MAPK8IP3: variants seen among roughly 807,000 people sequenced by gnomAD.
MAPK8IP3 encodes the protein mitogen-activated protein kinase 8 interacting protein 3.
A neutral mutation model predicts 157.8 loss-of-function variants in MAPK8IP3; 49 were observed. The observed-to-expected ratio is 0.31, with a 90% confidence interval of 0.25 to 0.39. MAPK8IP3 has a LOEUF of 0.39. Among genes scored for constraint, MAPK8IP3 ranks in the 10% least tolerant of loss-of-function variants. The pLI is 1.00. For missense variants in MAPK8IP3, 1,478 were observed against 1,889.4 expected, an observed-to-expected ratio of 0.78 and a Z score of 4.04; for synonymous variants, 897 against 777.7, an observed-to-expected ratio of 1.15 and a Z score of -2.55.
At chr16:1,729,613 G>A (rs574939060) in intron 4 of MAPK8IP3, 35 bp downstream of exon 4, 1 of 1,542,254 alleles carries the variant, frequency 6.5e-7, no homozygotes, top group East Asian at 2.3e-5. Context: ...GGTACGCGGG[G>A]CGCGGCGGGG....
At position 1,742,019 on chromosome 16, in the gene MAPK8IP3, C is replaced by A. The variant is rs990850429; in HGVS notation, c.603-1313C>A. Reference sequence around the variant, plus strand: ...CTCCAGGCATGGCCAGAGCAGGTTCCTTGAACCCCTGAGGAAGCTCCCTTC... The same window carrying A: ...CTCCAGGCATGGCCAGAGCAGGTTCATTGAACCCCTGAGGAAGCTCCCTTC... On this transcript the variant is annotated intron_variant, in intron 4 of 31. Coordinates refer to ENST00000610761, the MANE Select transcript of MAPK8IP3 (RefSeq NM_001318852.2). This position sits in a 1 kb window ranked among gnomAD's most constrained non-coding sequence, Gnocchi z 5.0. 2.0e-5 allele frequency among the ~76,000 whole-genome samples: 3 copies of A among 152,150 alleles called. No individual in the cohort carries two copies. Among genetic ancestry groups the A allele is most frequent in the African/African-American group, 7.2e-5 (3 of 41,440 alleles).
chr16:1,752,268 C>T (rs945883848), intron 8 of MAPK8IP3: 1 of 173,258 alleles, frequency 5.8e-6, no homozygotes, highest in South Asian at 8.7e-5. Context: ...CTGTGCGCTC[C>T]ACGATGAGGC....
chr16:1,757,507 G>A (rs1596750454), intron 8 of MAPK8IP3, among the ~76,000 whole-genome samples: 5 of 152,202 alleles, frequency 3.3e-5, no homozygotes, highest in African/African-American at 2.4e-5. Flanking sequence ...CCCGCAGAGC[G>A]TTTCCCTCGC....
Position 1,751,461 on chromosome 16 carries a change from A to C in MAPK8IP3, c.1216+2741A>C, listed in dbSNP as rs2041283074. 7.6e-6 allele frequency: 1 copy of C among 131,246 alleles called. No individual in the cohort carries two copies. Among genetic ancestry groups the C allele is most frequent in the South Asian group, 2.2e-4 (1 of 4,550 alleles). The allele number at this position is 131,246 out of a possible 1,614,324, so 8.1% of individuals were successfully genotyped here. A position where few individuals can be genotyped will look rare whatever the true frequency, so the allele number is the denominator to read the frequency against. Reference sequence around the variant, plus strand: ...GTGACAGGGAGAGGGACTCTGTCTCAAAAAAAAAACTGAGGTCAGGGAGGG... The same window carrying C: ...GTGACAGGGAGAGGGACTCTGTCTCCAAAAAAAAACTGAGGTCAGGGAGGG... On this transcript the variant is annotated intron_variant, in intron 8 of 31. Coordinates refer to ENST00000610761, the MANE Select transcript of MAPK8IP3 (RefSeq NM_001318852.2). This position sits in a 1 kb window ranked among gnomAD's most constrained non-coding sequence, Gnocchi z 5.0.
At chr16:1,717,643 C>T (rs1232210045) in intron 1 of MAPK8IP3, among the ~76,000 whole-genome samples, 1 of 152,230 alleles carries the variant, frequency 6.6e-6, no homozygotes, top group African/African-American at 2.4e-5. Context: ...ATTGTCACAC[C>T]TTCAGTAGGT....
intron 1 of MAPK8IP3, among the ~76,000 whole-genome samples, chr16:1,721,377 G>C (rs1401499490): frequency 6.6e-6 from 1 of 152,152 alleles, no homozygotes; most frequent in Non-Finnish European, 1.5e-5. Context: ...AAGGCAGGAG[G>C]ATTGCTTGAG....
chr16:1,768,841 G>A lies in MAPK8IP3; in HGVS notation c.*17G>A. ...CCCGAGTGAAGCTGCTGCCCTGCCT[G>A]GCCCGACCTGTACATAGGACCCCCG... is the stretch of plus-strand genomic sequence containing the variant. On this transcript the variant is annotated 3_prime_UTR_variant, in exon 32 of 32. Transcript: ENST00000610761. The A allele has an allele frequency of 6.2e-7, 1 of 1,610,866 alleles. No homozygotes were observed. Among genetic ancestry groups the A allele is most frequent in the Non-Finnish European group, 8.5e-7 (1 of 1,179,542 alleles).
At chr16:1,735,460 AG>A (rs1567161741) in intron 4 of MAPK8IP3, among the ~76,000 whole-genome samples, 1 of 118,916 alleles carries the variant, frequency 8.4e-6, no homozygotes, top group East Asian at 2.9e-4. Flanking sequence ...CGTCCGTGTG[AG>A]CGTCCGTGTG....
chr16:1,731,911 G>A (rs1378494142), intron 4 of MAPK8IP3, among the ~76,000 whole-genome samples: 1 of 152,198 alleles, frequency 6.6e-6, no homozygotes, highest in Non-Finnish European at 1.5e-5. Context: ...GCCCTGCACT[G>A]AGTCTTATTC....
intron 4 of MAPK8IP3, among the ~76,000 whole-genome samples, chr16:1,734,110 G>T (rs888700319): frequency 2.5e-4 from 38 of 152,344 alleles, no homozygotes; most frequent in African/African-American, 8.2e-4. Flanking sequence ...CAGCCAGAAG[G>T]CACCCTGCAG....
Position 1,761,289 on chromosome 16 carries a change from ATC to A in MAPK8IP3, c.1527_1528del (p.Cys510TyrfsTer44), listed in dbSNP as rs1386508750. The A allele has an allele frequency of 1.2e-6, 2 of 1,613,386 alleles. No homozygotes were observed. The highest frequency in any genetic ancestry group is 1.3e-5 in the African/African-American group (1 of 74,920). On this transcript the variant is annotated frameshift_variant, in exon 13 of 32. Coordinates refer to ENST00000610761, the MANE Select transcript of MAPK8IP3 (RefSeq NM_001318852.2). LOFTEE classifies it high-confidence loss of function. ...GAAGAGGCGGAGGATGTAAGCAGCTATCTCTGTACAGAATCGGTACATCCACT... is the reference window on the plus strand; with the variant it reads ...GAAGAGGCGGAGGATGTAAGCAGCTATCTGTACAGAATCGGTACATCCACT...
Position 1,718,728 on chromosome 16 carries a change from G to A in MAPK8IP3, c.319-5829G>A, listed in dbSNP as rs533385683. ...GAATCGCTTGAACCTGGGAGATGGA[G>A]GTTGCAGTGAGCCAAGATCGCACCA... is the stretch of plus-strand genomic sequence containing the variant. On this transcript the variant is annotated intron_variant, in intron 1 of 31. Coordinates refer to ENST00000610761, the MANE Select transcript of MAPK8IP3 (RefSeq NM_001318852.2). Among the ~76,000 whole-genome samples the A allele has an allele frequency of 7.9e-5, 12 of 151,716 alleles. No individual in the cohort carries two copies. In the South Asian group the frequency reaches 2.1e-3, roughly 26 times the overall value.
At chr16:1,728,559 CAG>C (rs1291674319) in intron 2 of MAPK8IP3, among the ~76,000 whole-genome samples, 1 of 146,738 alleles carries the variant, frequency 6.8e-6, no homozygotes, top group African/African-American at 2.8e-5. Context: ...TCCCATGGCA[CAG>C]GGCACACACA....
At chr16:1,759,901 G>T in intron 10 of MAPK8IP3, 57 bp from the exon 11 acceptor site, 3 of 1,474,520 alleles carry the variant, frequency 2.0e-6, no homozygotes, top group Non-Finnish European at 2.8e-6. Flanking sequence ...CAGGTGCGGC[G>T]GCATCAGTGA....
At chr16:1,709,492 T>TTGTGGG (rs2037618831) in intron 1 of MAPK8IP3, among the ~76,000 whole-genome samples, 1 of 152,154 alleles carries the variant, frequency 6.6e-6, no homozygotes, top group Non-Finnish European at 1.5e-5. Context: ...TGTAGCAGAG[T>TTGTGGG]CAGGGCAGAA....
chr16:1,761,128 G>A (rs1017297080), intron 12 of MAPK8IP3, 96 bp from the exon 13 acceptor site: 1 of 976,654 alleles, frequency 1.0e-6, no homozygotes. Flanking sequence ...CCTGCACAGA[G>A]GCAAGGACAC....
chr16:1,706,402 C>T lies in MAPK8IP3; in HGVS notation c.63C>T (p.Ser21=), dbSNP rs750741909. 3.1e-6 allele frequency: 5 copies of T among 1,613,318 alleles called. No individual in the cohort carries two copies. Among genetic ancestry groups the T allele is most frequent in the East Asian group, 2.2e-5 (1 of 44,828 alleles). The change falls in exon 1 of 32, where the codon TCC becomes TCT. Residue 21 remains serine (S), a synonymous_variant. Transcript: ENST00000610761. The surrounding 1 kb of genome is among the most constrained non-coding windows in gnomAD (Gnocchi z 5.1). Reference sequence around the variant, plus strand: ...TGGTGTACCAGGACGACTACTGCTCCGGCTCGGTGATGTCGGAGCGGGTGT... The same window carrying T: ...TGGTGTACCAGGACGACTACTGCTCTGGCTCGGTGATGTCGGAGCGGGTGT... ...GVVVYQDDYC[S]GSVMSERVSG...
intron 4 of MAPK8IP3, among the ~76,000 whole-genome samples, chr16:1,737,908 G>A (rs1219050492): frequency 3.9e-4 from 25 of 64,504 alleles, no homozygotes; most frequent in East Asian, 6.7e-4. Flanking sequence ...GCGTGTGACC[G>A]TCCGTGTGTG....
At chr16:1,762,224 C>CT in intron 13 of MAPK8IP3, 127 bp from the exon 14 acceptor site, 1 of 1,305,586 alleles carries the variant, frequency 7.7e-7, no homozygotes. Context: ...CTCCACACCG[C>CT]TTCTTGCCTG....
Sources: gnomAD v4.1 joint callset for allele counts (sites outside exome capture counted in the v4.1 genomes callset) on GRCh38, gnomAD v4.1.1 for gene constraint, Gnocchi (gnomAD v3.1) non-coding constraint, MANE v1.5 for transcripts, NCBI Gene and HGNC (gene_info 2026-07-23, HGNC 2026-07-21) for gene names.